Variants in MAML2 observed in about 807,000 individuals in gnomAD.
MAML2 encodes mastermind-like protein 2.
Under a neutral mutation model 96.1 loss-of-function variants are expected in MAML2, and 22 were observed. The ratio of observed to expected loss-of-function variants is 0.23; its 90% CI spans 0.16 to 0.33. The LOEUF is 0.33. MAML2 is among the 10% of genes least tolerant of loss of function. MAML2 has a pLI of 1.00. For synonymous variants in MAML2, 561 were observed against 521.3 expected (o/e 1.08, Z -1.04); for missense variants, 1,367 against 1,392.4 (o/e 0.98, Z 0.29).
intron 1 of MAML2, among the ~76,000 whole-genome samples, chr11:96,107,677 T>G (rs1344015887): frequency 2.6e-5 from 4 of 152,196 alleles, no homozygotes; most frequent in Non-Finnish European, 5.9e-5. Flanking sequence ...GACTTTTGGC[T>G]TCACCACCCA....
intron 1 of MAML2, among the ~76,000 whole-genome samples, chr11:96,110,326 A>G (rs1323111851): frequency 6.6e-6 from 1 of 152,252 alleles, no homozygotes; most frequent in Non-Finnish European, 1.5e-5. Context: ...AGCAGTTGGT[A>G]CAATACTTGG....
At chr11:96,191,658 G>C (rs933336077) in intron 1 of MAML2, among the ~76,000 whole-genome samples, 2 of 150,226 alleles carry the variant, frequency 1.3e-5, no homozygotes, top group Non-Finnish European at 3.0e-5. Flanking sequence ...GGTAGTCTCA[G>C]CTACTCGGGA....
chr11:96,019,685 T>G (rs4085722), intron 2 of MAML2, among the ~76,000 whole-genome samples: 1 of 2,696 alleles, frequency 3.7e-4, no homozygotes, highest in East Asian at 0.014. Flanking sequence ...TAATAATAAT[T>G]ATAATAATAA....
intron 2 of MAML2, among the ~76,000 whole-genome samples, chr11:96,001,856 C>T (rs922511773): frequency 1.3e-5 from 2 of 152,166 alleles, no homozygotes; most frequent in African/African-American, 4.8e-5. Context: ...CCTTTCCTCA[C>T]CCTATACAAT....
chr11:96,125,781 G>C (rs2135850732), intron 1 of MAML2, among the ~76,000 whole-genome samples: 1 of 152,274 alleles, frequency 6.6e-6, no homozygotes, highest in African/African-American at 2.4e-5. Context: ...TCATAATCCA[G>C]AAAGGCTTTT....
At chr11:96,231,206 C>T (rs765245494) in intron 1 of MAML2, among the ~76,000 whole-genome samples, 4 of 152,140 alleles carry the variant, frequency 2.6e-5, no homozygotes, top group Non-Finnish European at 5.9e-5. Flanking sequence ...TTTCCTCTTT[C>T]GTGTATCACC....
chr11:96,076,153 TATC>T (rs1244622181), intron 2 of MAML2, among the ~76,000 whole-genome samples: 1 of 152,194 alleles, frequency 6.6e-6, no homozygotes, highest in Non-Finnish European at 1.5e-5. Context: ...TCGTTTGAAA[TATC>T]ATCAAGCTGA....
chr11:96,079,071 A>C (rs1022321198), intron 2 of MAML2, among the ~76,000 whole-genome samples: 4 of 152,354 alleles, frequency 2.6e-5, no homozygotes, highest in Middle Eastern at 3.4e-3. Flanking sequence ...CATAAAAACC[A>C]AAATTCACCA....
chr11:96,087,081 T>G (rs534415923), intron 2 of MAML2, among the ~76,000 whole-genome samples: 2 of 152,330 alleles, frequency 1.3e-5, no homozygotes, highest in South Asian at 4.1e-4. Context: ...AGCAAGTGAT[T>G]TGATCTTTCT....
intron 3 of MAML2, among the ~76,000 whole-genome samples, chr11:95,986,762 C>T (rs1390457393): frequency 6.6e-6 from 1 of 152,104 alleles, no homozygotes; most frequent in Non-Finnish European, 1.5e-5. Context: ...TCCTGACACA[C>T]AATACGAGGC....
At chr11:96,276,908 T>C (rs1226547229) in intron 1 of MAML2, among the ~76,000 whole-genome samples, 1 of 151,100 alleles carries the variant, frequency 6.6e-6, no homozygotes, top group East Asian at 2.0e-4. Flanking sequence ...AGTACTATGA[T>C]AAATATTGTA....
chr11:95,982,859 T>C (rs1857763856), intron 4 of MAML2, among the ~76,000 whole-genome samples: 1 of 152,180 alleles, frequency 6.6e-6, no homozygotes, highest in African/African-American at 2.4e-5. Context: ...CACTCTAAAA[T>C]AATTATTAAA....
chr11:96,046,338 T>A (rs1373673419), intron 2 of MAML2, among the ~76,000 whole-genome samples: 1 of 152,016 alleles, frequency 6.6e-6, no homozygotes. Context: ...ATGGAAGGGT[T>A]TTTTTTGTTG....
intron 1 of MAML2, among the ~76,000 whole-genome samples, chr11:96,327,829 C>G (rs1253019800): frequency 6.6e-6 from 1 of 152,084 alleles, no homozygotes; most frequent in Non-Finnish European, 1.5e-5. Context: ...GACACGATGC[C>G]TCACACCTGT....
Position 96,223,095 on chromosome 11 carries a change from A to G in MAML2, c.513+118288T>C, listed in dbSNP as rs909934155. Among the ~76,000 whole-genome samples the G allele has an allele frequency of 2.0e-5, 3 of 152,178 alleles. No homozygotes were observed. The East Asian group carries it at 5.8e-4, about 29-fold the overall frequency. On this transcript the variant is annotated intron_variant, in intron 1 of 4. Transcript: ENST00000524717. ...TTTAATATTACACTTCATTTTTAAT[A>G]CTTTAGAATCTAATATTTAGATCAT...
chr11:96,116,370 T>A (rs139342633), intron 1 of MAML2, among the ~76,000 whole-genome samples: 3 of 152,296 alleles, frequency 2.0e-5, no homozygotes, highest in African/African-American at 7.2e-5. Context: ...CACTCAGATA[T>A]TCCAACCCAA....
chr11:96,108,297 G>A (rs980499016), intron 1 of MAML2, among the ~76,000 whole-genome samples: 2 of 152,200 alleles, frequency 1.3e-5, no homozygotes, highest in Non-Finnish European at 2.9e-5. Context: ...GTGAGCGAGA[G>A]TAGAAAACAC....
At chr11:96,328,614 T>C (rs1863816116) in intron 1 of MAML2, among the ~76,000 whole-genome samples, 1 of 152,036 alleles carries the variant, frequency 6.6e-6, no homozygotes, top group Non-Finnish European at 1.5e-5. Flanking sequence ...AATCAAGAGA[T>C]AGGGAGGGAG....
chr11:96,339,799 A>AT (rs1374539810), intron 1 of MAML2, among the ~76,000 whole-genome samples: 1 of 151,902 alleles, frequency 6.6e-6, no homozygotes, highest in Non-Finnish European at 1.5e-5. Context: ...GCGATTCTTT[A>AT]CCCCCCTCCT....
Sources: allele counts gnomAD v4.1 joint callset (sites outside exome capture counted in the v4.1 genomes callset), GRCh38; gene constraint gnomAD v4.1.1; transcripts MANE v1.5; gene names NCBI Gene and HGNC (gene_info 2026-07-23, HGNC 2026-07-21).